Variants in ARVCF observed in about 807,000 individuals in gnomAD.
ARVCF encodes ARVCF delta catenin family member.
In ARVCF, 66 loss-of-function variants were observed where a neutral mutation model predicts 90.9. The ratio of observed to expected loss-of-function variants is 0.73; its 90% confidence interval spans 0.60 to 0.89. ARVCF has a LOEUF of 0.89. ARVCF is among the 40% of genes least tolerant of loss of function. The pLI is 0.00. For synonymous variants in ARVCF, 653 were observed against 603.4 expected (o/e 1.08, Z -1.21); for missense variants, 1,469 against 1,382.3 (o/e 1.06, Z -1.00).
At chr22:19,972,539 G>A in intron 16 of ARVCF, 128 bp from the exon 17 acceptor site, 2 of 1,281,876 alleles carry the variant, frequency 1.6e-6, no homozygotes, top group East Asian at 2.5e-5. Flanking sequence ...ACCTCTGCCA[G>A]CTGGCAGCCT....
intron 1 of ARVCF, among the ~76,000 whole-genome samples, chr22:20,011,567 A>G (rs1320682583): frequency 6.6e-6 from 1 of 151,094 alleles, no homozygotes. Context: ...GGGTGGGATC[A>G]TGGGGGGTGG....
intron 5 of ARVCF, chr22:19,980,672 G>A (rs565417194): frequency 1.0e-4 from 20 of 194,414 alleles, no homozygotes; most frequent in African/African-American, 4.0e-4. Context: ...GGCCCTCTCC[G>A]CATGAAGCCA....
chr22:19,981,939 C>T lies in ARVCF; in HGVS notation c.363G>A (p.Glu121=). ...TSEDGTTRRT[E]TKVTKTVKTV... ...TGCCTGGGCCTGGCCATACCTTGGT[C>T]TCGGTGCGCCGGGTTGTGCCATCTT... is the stretch of plus-strand genomic sequence containing the variant. The change falls in exon 4 of 20, where the codon GAG becomes GAA. Residue 121 remains glutamate (E), a synonymous_variant. Coordinates refer to ENST00000263207, the MANE Select transcript of ARVCF (RefSeq NM_001670.3). 4 of 1,612,484 alleles carry T rather than the reference C, an allele frequency of 2.5e-6. No homozygotes were observed. The highest frequency in any genetic ancestry group is 2.2e-5 in the East Asian group (1 of 44,876).
intron 3 of ARVCF, chr22:19,987,102 G>C: frequency 1.8e-6 from 1 of 569,616 alleles, no homozygotes; most frequent in Non-Finnish European, 3.2e-6. Flanking sequence ...ATCGGGCCGG[G>C]ACTCGGGGGG....
intron 2 of ARVCF, among the ~76,000 whole-genome samples, chr22:20,000,094 A>G (rs1024190945): frequency 6.6e-6 from 1 of 152,128 alleles, no homozygotes; most frequent in Non-Finnish European, 1.5e-5. Context: ...TCCTCACTGT[A>G]CCCTTCTCCC....
chr22:20,005,030 A>G lies in ARVCF; in HGVS notation c.-19+5425T>C, dbSNP rs932010217. On this transcript the variant is annotated intron_variant, in intron 2 of 19. Coordinates refer to ENST00000263207, the MANE Select transcript of ARVCF (RefSeq NM_001670.3). ...AAAAACACAGGCAACAGAAGGAAAA[A>G]TAAATTGTACTACATCCAAATTTAA... Among the ~76,000 whole-genome samples, 2 of 152,244 alleles carry G rather than the reference A, an allele frequency of 1.3e-5. 1 individual carries two copies. The highest frequency in any genetic ancestry group is 2.9e-5 in the Non-Finnish European group (2 of 68,050).
intron 9 of ARVCF, 43 bp from the exon 10 acceptor site, chr22:19,976,766 A>C: frequency 1.3e-6 from 2 of 1,553,214 alleles, no homozygotes; most frequent in Non-Finnish European, 1.7e-6. Flanking sequence ...GAGGAGCCTG[A>C]ACAGGCAGCA....
rs745596109 is a variant in ARVCF at position 19,978,048 on chromosome 22, G to A, written c.1608C>T (p.Ala536=). ...CTTCACACTCCCGGAGTCGCCGCCG[G>A]GCCTCAGCACCATCGGAGCTCACAT... ...LRNVSSDGAE[A]RRRLRECEGL... The change falls in exon 8 of 20, where the codon GCC becomes GCT. Residue 536 remains alanine (A), a synonymous_variant. Transcript: ENST00000263207. The A allele has an allele frequency of 1.2e-6, 2 of 1,611,012 alleles. No homozygotes were observed. The highest frequency in any genetic ancestry group is 4.5e-5 in the East Asian group (2 of 44,830).
At chr22:20,014,234 A>T (rs905006736) in intron 1 of ARVCF, among the ~76,000 whole-genome samples, 7 of 151,430 alleles carry the variant, frequency 4.6e-5, no homozygotes, top group Admixed American at 2.0e-4. Flanking sequence ...TCGCTCTATC[A>T]CCCAGGCTGG....
intron 2 of ARVCF, among the ~76,000 whole-genome samples, chr22:19,997,321 T>C (rs1944290723): frequency 6.6e-6 from 1 of 152,144 alleles, no homozygotes; most frequent in Non-Finnish European, 1.5e-5. Flanking sequence ...CCCTCCTCTG[T>C]GGGAGGCATG....
chr22:19,974,814 C>G (rs1179725547), intron 11 of ARVCF, among the ~76,000 whole-genome samples: 1 of 152,078 alleles, frequency 6.6e-6, no homozygotes, highest in African/African-American at 2.4e-5. Context: ...GCCCTAGCAA[C>G]AGGAGGCACT....
chr22:19,973,350 T>C, intron 13 of ARVCF, 33 bp from the exon 14 acceptor site: 4 of 1,552,248 alleles, frequency 2.6e-6, no homozygotes, highest in Non-Finnish European at 3.5e-6. Flanking sequence ...AGAACACACC[T>C]CTGCCCCACC....
intron 2 of ARVCF, among the ~76,000 whole-genome samples, chr22:20,000,766 G>A (rs970826468): frequency 6.6e-5 from 10 of 152,254 alleles, no homozygotes; most frequent in Admixed American, 2.6e-4. Context: ...TTATCAAAGC[G>A]GCTCTTGAGG....
chr22:19,967,027 G>A (rs1285830339), downstream of ARVCF: 33 of 1,200,974 alleles, frequency 2.7e-5, no homozygotes, highest in Middle Eastern at 3.4e-4. Flanking sequence ...TTGCAGTGTC[G>A]GGCGACAGGC....
intron 2 of ARVCF, among the ~76,000 whole-genome samples, chr22:20,003,082 A>G (rs779422752): frequency 8.5e-5 from 13 of 152,244 alleles, no homozygotes; most frequent in Non-Finnish European, 1.8e-4. Flanking sequence ...AGATGGTAAC[A>G]GACTACCATA....
At chr22:19,980,907 C>A in intron 5 of ARVCF, 1 of 383,246 alleles carries the variant, frequency 2.6e-6, no homozygotes, top group Non-Finnish European at 4.7e-6. Flanking sequence ...GGGGACAGAA[C>A]CAGGGGCTGT....
intron 18 of ARVCF, among the ~76,000 whole-genome samples, chr22:19,971,574 G>T (rs921912843): frequency 6.6e-6 from 1 of 152,198 alleles, no homozygotes; most frequent in Non-Finnish European, 1.5e-5. Context: ...GCAGGCAGCA[G>T]GTCCTGCCAT....
intron 2 of ARVCF, among the ~76,000 whole-genome samples, chr22:20,007,029 G>A (rs553956945): frequency 6.6e-6 from 1 of 152,274 alleles, no homozygotes; most frequent in South Asian, 2.1e-4. Flanking sequence ...CAAGGCAAGT[G>A]GATTGCTGGG....
At chr22:19,986,461 C>T (rs1272552326) in intron 3 of ARVCF, among the ~76,000 whole-genome samples, 1 of 152,180 alleles carries the variant, frequency 6.6e-6, no homozygotes, top group African/African-American at 2.4e-5. Context: ...ATCCCGTTTT[C>T]CTTAGAGATC....
Sources: gnomAD v4.1 joint callset for allele counts (sites outside exome capture counted in the v4.1 genomes callset) on GRCh38, gnomAD v4.1.1 for gene constraint, MANE v1.5 for transcripts, NCBI Gene and HGNC (gene_info 2026-07-23, HGNC 2026-07-21) for gene names.